The following RAB40B variants were observed in gnomAD, a reference collection of about 807,000 sequenced individuals.
RAB40B encodes the protein ras-related protein Rab-40B.
Under a neutral mutation model 24.0 loss-of-function variants are expected in RAB40B, and 21 were observed. The ratio of observed to expected loss-of-function variants is 0.88; its 90% confidence interval spans 0.62 to 1.26. The LOEUF (loss-of-function observed/expected upper bound fraction) is 1.26, where lower values mean the gene tolerates loss of function less well. RAB40B is among the 50% of genes most tolerant of loss of function. RAB40B has a pLI of 0.00. For missense variants in RAB40B, 348 were observed against 390.5 expected, an observed-to-expected ratio of 0.89 and a Z score of 0.92; for synonymous variants, 167 against 169.8, an observed-to-expected ratio of 0.98 and a Z score of 0.13.
At chr17:82,676,417 C>T (rs2143515252) in intron 1 of RAB40B, among the ~76,000 whole-genome samples, 1 of 151,216 alleles carries the variant, frequency 6.6e-6, no homozygotes, top group South Asian at 2.1e-4. Context: ...GTGAGGGCAC[C>T]CCTCACCTTC....
chr17:82,667,436 ACCTGTGCAGCG>A lies in RAB40B; in HGVS notation c.143-2891_143-2881del, dbSNP rs141730340. 0.35 allele frequency among the ~76,000 whole-genome samples: 52,714 copies of A among 151,802 alleles called. 9,266 individuals carry two copies. The highest frequency in any genetic ancestry group is 0.41 in the East Asian group (2,100 of 5,116). On this transcript the variant is annotated intron_variant, in intron 1 of 5. Coordinates refer to ENST00000571995, the MANE Select transcript of RAB40B (RefSeq NM_006822.3). This position sits in a 1 kb window ranked among gnomAD's most constrained non-coding sequence, Gnocchi z 4.3. The stretch of plus-strand genomic sequence containing the variant: ...TGGCACACCTGCCTGATCTGAGCAC[ACCTGTGCAGCG>A]CCTTCCATGAGATCCCGAGCACCCC...
intron 1 of RAB40B, among the ~76,000 whole-genome samples, chr17:82,694,689 C>G (rs1360343657): frequency 6.6e-6 from 1 of 151,712 alleles, no homozygotes; most frequent in Non-Finnish European, 1.5e-5. Context: ...CTCAGAAATT[C>G]ATGAAGGGAA....
At chr17:82,672,251 T>A (rs748558480) in intron 1 of RAB40B, among the ~76,000 whole-genome samples, 4 of 105,776 alleles carry the variant, frequency 3.8e-5, no homozygotes, top group African/African-American at 5.8e-5. Context: ...ACGCTCCCTG[T>A]ACTCACTGAC....
At chr17:82,698,229 G>A (rs546953271) in intron 1 of RAB40B, among the ~76,000 whole-genome samples, 1 of 151,812 alleles carries the variant, frequency 6.6e-6, no homozygotes, top group Non-Finnish European at 1.5e-5. Flanking sequence ...CAGCACGAGG[G>A]CCAGGGCCGG....
chr17:82,667,538 C>T lies in RAB40B; in HGVS notation c.143-2982G>A, dbSNP rs1385156204. 6.6e-6 allele frequency among the ~76,000 whole-genome samples: 1 copy of T among 152,222 alleles called. No individual in the cohort carries two copies. Among genetic ancestry groups the T allele is most frequent in the East Asian group, 1.9e-4 (1 of 5,188 alleles). On this transcript the variant is annotated intron_variant, in intron 1 of 5. Transcript: ENST00000571995. This position sits in a 1 kb window ranked among gnomAD's most constrained non-coding sequence, Gnocchi z 4.3. ...CTGCTTCCTCCTCCGGGCCCTGCCC[C>T]CTTCCTGGACTCCAGAGGCTCTTTC...
intron 1 of RAB40B, 59 bp from the exon 2 acceptor site, chr17:82,664,615 T>C: frequency 6.6e-7 from 1 of 1,518,942 alleles, no homozygotes; most frequent in East Asian, 2.3e-5. Context: ...ACGCTGGAAG[T>C]CTCACGTTCA....
At chr17:82,685,293 G>A (rs1425636866) in intron 1 of RAB40B, among the ~76,000 whole-genome samples, 1 of 150,072 alleles carries the variant, frequency 6.7e-6, no homozygotes, top group Non-Finnish European at 1.5e-5. Flanking sequence ...TGGGGAGGGA[G>A]GAGGAGGAGA....
rs61758746 is a variant in RAB40B at position 82,658,086 on chromosome 17, G to A, written c.614C>T (p.Pro205Leu). 8.7e-6 allele frequency: 14 copies of A among 1,614,162 alleles called. No individual in the cohort carries two copies. Among genetic ancestry groups the A allele is most frequent in the South Asian group, 2.2e-5 (2 of 91,074 alleles). The change falls in exon 6 of 6, where the codon CCG (proline) becomes CTG (leucine). Residue 205 changes from proline to leucine, a missense_variant. Transcript: ENST00000571995. ...CGGGAGCTTGTCCACCAGGTGCACCGGCGTGCAGGACACGACCGCCCGGCA... is the reference window on the plus strand; with the variant it reads ...CGGGAGCTTGTCCACCAGGTGCACCAGCGTGCAGGACACGACCGCCCGGCA... Reference protein sequence around the residue: ...LCCRAVVSCTPVHLVDKLPLP... With the variant: ...LCCRAVVSCTLVHLVDKLPLP...
At chr17:82,677,829 G>A (rs553036734) in intron 1 of RAB40B, among the ~76,000 whole-genome samples, 6 of 152,312 alleles carry the variant, frequency 3.9e-5, no homozygotes, top group Admixed American at 1.3e-4. Context: ...GCACCTGCCC[G>A]ACCCCTGCAC....
chr17:82,658,359 A>C, intron 5 of RAB40B, 132 bp downstream of exon 5: 1 of 1,152,966 alleles, frequency 8.7e-7, no homozygotes, highest in Non-Finnish European at 1.2e-6. Context: ...CTTCTCTCAA[A>C]TGCCTTGCTC....
At chr17:82,668,178 C>G (rs2046281198) in intron 1 of RAB40B, 1 of 154,682 alleles carries the variant, frequency 6.5e-6, no homozygotes, top group African/African-American at 2.4e-5. Context: ...GGGTAGCTCT[C>G]CGCAGCTGGT....
chr17:82,670,596 G>A (rs533060292), intron 1 of RAB40B, among the ~76,000 whole-genome samples: 8 of 149,658 alleles, frequency 5.3e-5, no homozygotes, highest in Admixed American at 4.7e-4. Context: ...GTGCAGTGGC[G>A]CGATCTCAGC....
At chr17:82,680,115 T>G (rs1310049752) in intron 1 of RAB40B, among the ~76,000 whole-genome samples, 3 of 152,244 alleles carry the variant, frequency 2.0e-5, no homozygotes, top group African/African-American at 7.2e-5. Flanking sequence ...TGGCCCGTCC[T>G]GCTCAGACCG....
intron 1 of RAB40B, among the ~76,000 whole-genome samples, chr17:82,678,777 C>T (rs1382294462): frequency 6.6e-6 from 1 of 151,972 alleles, no homozygotes; most frequent in Admixed American, 6.6e-5. Flanking sequence ...GGTGCTGACG[C>T]TGCAGTGTGG....
intron 1 of RAB40B, among the ~76,000 whole-genome samples, chr17:82,694,523 C>T (rs546758482): frequency 9.3e-5 from 14 of 150,262 alleles, no homozygotes; most frequent in Non-Finnish European, 1.5e-4. Context: ...CAGATTGAGA[C>T]TACATCTAAG....
intron 2 of RAB40B, chr17:82,662,200 A>G (rs2046183203): frequency 2.0e-6 from 2 of 985,352 alleles, no homozygotes; most frequent in African/African-American, 1.7e-5. Context: ...GACCAGCGAC[A>G]CTGGCCATTG....
At position 82,691,946 on chromosome 17, in the gene RAB40B, C is replaced by T. The variant is rs139561389; in HGVS notation, c.142+6509G>A. ...GGCCACCAGGAACCAGGGGTACCAG[C>T]GTGTGTGAGGTGTGTTGCAGAACAG... On this transcript the variant is annotated intron_variant, in intron 1 of 5. Coordinates refer to ENST00000571995, the MANE Select transcript of RAB40B (RefSeq NM_006822.3). 1.3e-3 allele frequency among the ~76,000 whole-genome samples: 205 copies of T among 152,294 alleles called. 1 individual carries two copies. Among genetic ancestry groups the T allele is most frequent in the African/African-American group, 4.6e-3 (192 of 41,554 alleles).
At chr17:82,662,124 G>A (rs2046182028) in intron 2 of RAB40B, 1 of 985,452 alleles carries the variant, frequency 1.0e-6, no homozygotes, top group Non-Finnish European at 1.2e-6. Flanking sequence ...TGCTGTTTGT[G>A]TCACATGCAC....
At chr17:82,684,220 C>CAAA (rs34778953) in intron 1 of RAB40B, among the ~76,000 whole-genome samples, 2,864 of 120,080 alleles carry the variant, frequency 0.024, 112 homozygotes, top group East Asian at 0.15. Context: ...GACTCTGTCT[C>CAAA]AAAAAAAAAA....
Sources: allele counts gnomAD v4.1 joint callset (sites outside exome capture counted in the v4.1 genomes callset), GRCh38; gene constraint gnomAD v4.1.1; non-coding constraint Gnocchi (gnomAD v3.1); transcripts MANE v1.5; gene names NCBI Gene and HGNC (gene_info 2026-07-23, HGNC 2026-07-21).